Variants in PDE4D observed in about 807,000 individuals in gnomAD.
PDE4D encodes 3',5'-cyclic-AMP phosphodiesterase 4D.
A neutral mutation model predicts 87.4 loss-of-function variants in PDE4D; 24 were observed. The ratio of observed to expected loss-of-function variants is 0.27; its 90% confidence interval spans 0.20 to 0.39. PDE4D has a LOEUF of 0.39. Ranked by LOEUF, PDE4D falls within the 10% of genes least tolerant of loss-of-function variation. PDE4D has a pLI of 1.00. For missense variants in PDE4D, 714 were observed against 1,041.0 expected (o/e 0.69, Z 4.32); for synonymous variants, 384 against 383.2 (o/e 1.00, Z -0.02).
chr5:59,649,228 G>A (rs1742966617), intron 1 of PDE4D, among the ~76,000 whole-genome samples: 1 of 152,132 alleles, frequency 6.6e-6, no homozygotes, highest in African/African-American at 2.4e-5. Context: ...TTACTGCCTT[G>A]GTGAATTTTG....
chr5:60,421,660 C>T (rs1033497906), intron 1 of PDE4D, among the ~76,000 whole-genome samples: 2 of 152,124 alleles, frequency 1.3e-5, no homozygotes, highest in African/African-American at 2.4e-5. Flanking sequence ...CAGCTCCTCA[C>T]GAGCTATGGA....
intron 1 of PDE4D, among the ~76,000 whole-genome samples, chr5:60,512,502 A>G (rs968743081): frequency 6.6e-6 from 1 of 152,180 alleles, no homozygotes; most frequent in African/African-American, 2.4e-5. Context: ...CCATTAAAAA[A>G]AGAAGTATGG....
intron 1 of PDE4D, among the ~76,000 whole-genome samples, chr5:59,304,551 T>C (rs1190508470): frequency 2.0e-5 from 3 of 152,176 alleles, no homozygotes; most frequent in Non-Finnish European, 4.4e-5. Flanking sequence ...ATAGTTTTTA[T>C]TACATTAATG....
At chr5:59,910,329 A>C (rs954306183) in intron 3 of PDE4D, among the ~76,000 whole-genome samples, 1 of 152,246 alleles carries the variant, frequency 6.6e-6, no homozygotes, top group Non-Finnish European at 1.5e-5. Flanking sequence ...TACAAGATTG[A>C]CAAAGTCTCT....
chr5:59,991,761 T>C (rs1347401), intron 2 of PDE4D, among the ~76,000 whole-genome samples: 95,450 of 152,066 alleles, frequency 0.63, 32,410 homozygotes, highest in East Asian at 0.83. Context: ...TGTGTACTTA[T>C]GTACTTAGGA....
At chr5:59,971,546 G>A (rs1760772033) in intron 3 of PDE4D, among the ~76,000 whole-genome samples, 1 of 151,610 alleles carries the variant, frequency 6.6e-6, no homozygotes, top group Non-Finnish European at 1.5e-5. Context: ...CTCATTAGGA[G>A]TCCATTGTAA....
At chr5:60,201,439 T>C (rs1741893202) in intron 1 of PDE4D, among the ~76,000 whole-genome samples, 1 of 152,070 alleles carries the variant, frequency 6.6e-6, no homozygotes, top group Non-Finnish European at 1.5e-5. Context: ...TTGAAGTACA[T>C]AAAAGGAGAC....
intron 1 of PDE4D, among the ~76,000 whole-genome samples, chr5:59,542,683 A>G (rs963718795): frequency 3.3e-5 from 5 of 152,212 alleles, no homozygotes; most frequent in African/African-American, 1.2e-4. Flanking sequence ...TTTAAAATAC[A>G]ACCTGGGCTT....
At chr5:59,743,538 T>G (rs1018011475) in intron 1 of PDE4D, among the ~76,000 whole-genome samples, 4 of 152,034 alleles carry the variant, frequency 2.6e-5, no homozygotes, top group Non-Finnish European at 5.9e-5. Context: ...CACACGTAAG[T>G]GTTGACAAGA....
At chr5:59,073,415 C>T (rs73093324) in intron 5 of PDE4D, among the ~76,000 whole-genome samples, 7,211 of 139,402 alleles carry the variant, frequency 0.052, 595 homozygotes, top group African/African-American at 0.18. Context: ...TAAAAGAGGG[C>T]ATGCAAAATA....
rs145473701 is a variant in PDE4D, at chr5:59,130,597, T to C, written c.808+49998A>G. 1.1e-3 allele frequency among the ~76,000 whole-genome samples: 175 copies of C among 152,302 alleles called. 3 individuals carry two copies. The South Asian group carries it at 0.021, about 18-fold the overall frequency. ...AGTTGGCTAACCCAAATTTCGTAAGTGAAACTGGAGTGGTCTGCGTAAGTC... is the reference window on the plus strand; with the variant it reads ...AGTTGGCTAACCCAAATTTCGTAAGCGAAACTGGAGTGGTCTGCGTAAGTC... On this transcript the variant is annotated intron_variant, in intron 5 of 14. Coordinates refer to ENST00000340635, the MANE Select transcript of PDE4D (RefSeq NM_001104631.2).
intron 2 of PDE4D, among the ~76,000 whole-genome samples, chr5:59,196,470 C>T (rs1745475032): frequency 6.6e-6 from 1 of 152,228 alleles, no homozygotes; most frequent in Non-Finnish European, 1.5e-5. Context: ...ACTTTCCCTT[C>T]TGGCTGTGTC....
intron 3 of PDE4D, among the ~76,000 whole-genome samples, chr5:59,931,767 T>A (rs1378159072): frequency 7.0e-6 from 1 of 142,912 alleles, no homozygotes; most frequent in Non-Finnish European, 1.5e-5. Context: ...AGTGGTGCAA[T>A]CTCAGCTCAC....
chr5:59,155,657 C>T (rs534261844), intron 5 of PDE4D, among the ~76,000 whole-genome samples: 1 of 151,960 alleles, frequency 6.6e-6, no homozygotes, highest in African/African-American at 2.4e-5. Context: ...GGGAAAGAGC[C>T]AGAATAAAAG....
At chr5:59,221,589 G>A (rs11952435) in intron 1 of PDE4D, among the ~76,000 whole-genome samples, 38,764 of 151,958 alleles carry the variant, frequency 0.26, 6,211 homozygotes, top group Middle Eastern at 0.45. Flanking sequence ...CCATGATTAC[G>A]TCACTGCACT....
At chr5:59,479,797 C>T (rs1803937501) in intron 1 of PDE4D, among the ~76,000 whole-genome samples, 1 of 152,082 alleles carries the variant, frequency 6.6e-6, no homozygotes, top group South Asian at 2.1e-4. Flanking sequence ...GTCCTTTTCT[C>T]ACTGTCTGAA....
chr5:60,197,359 A>G (rs748051938), intron 1 of PDE4D, among the ~76,000 whole-genome samples: 1 of 151,546 alleles, frequency 6.6e-6, no homozygotes, highest in African/African-American at 2.4e-5. Context: ...TATTTAGTCA[A>G]TCAGCCGTGA....
At chr5:59,189,253 G>GT (rs5868167) in intron 3 of PDE4D, among the ~76,000 whole-genome samples, 12,809 of 120,728 alleles carry the variant, frequency 0.11, 1,197 homozygotes, top group Admixed American at 0.2. Context: ...TGTTTTTTTT[G>GT]TTTTTTTTTT....
At chr5:59,015,607 TA>T (rs1753798196) in intron 6 of PDE4D, among the ~76,000 whole-genome samples, 2 of 151,892 alleles carry the variant, frequency 1.3e-5, no homozygotes, top group Non-Finnish European at 2.9e-5. Flanking sequence ...TGGCAATCAT[TA>T]AAAAGTCAGG....
Sources: gnomAD v4.1 joint callset for allele counts (sites outside exome capture counted in the v4.1 genomes callset) on GRCh38, gnomAD v4.1.1 for gene constraint, MANE v1.5 for transcripts, NCBI Gene and HGNC (gene_info 2026-07-23, HGNC 2026-07-21) for gene names.